Variants in SLC4A5 observed in about 807,000 individuals in gnomAD.
SLC4A5 encodes the protein solute carrier family 4 member 5.
A neutral mutation model predicts 120.4 loss-of-function variants in SLC4A5; 96 were observed. That is an observed-to-expected ratio of 0.80 (90% CI 0.68 to 0.94). The LOEUF (loss-of-function observed/expected upper bound fraction) is 0.94, where lower values mean the gene tolerates loss of function less well. Ranked by LOEUF, SLC4A5 falls within the 40% of genes least tolerant of loss-of-function variation. The pLI is 0.00. For synonymous variants in SLC4A5, 550 were observed against 571.1 expected (o/e 0.96, Z 0.53); for missense variants, 1,259 against 1,459.5 (o/e 0.86, Z 2.24).
chr2:74,254,074 C>A (rs1449620141), intron 14 of SLC4A5, among the ~76,000 whole-genome samples: 1 of 152,216 alleles, frequency 6.6e-6, no homozygotes, highest in African/African-American at 2.4e-5. Flanking sequence ...CAAGCACCGC[C>A]AGTGAGTATT....
At chr2:74,288,706 C>T (rs1417268394) in intron 7 of SLC4A5, among the ~76,000 whole-genome samples, 2 of 152,120 alleles carry the variant, frequency 1.3e-5, no homozygotes, top group Admixed American at 6.5e-5. Context: ...ATGAGGTCAC[C>T]CTTGTGTCCA....
intron 5 of SLC4A5, among the ~76,000 whole-genome samples, chr2:74,324,965 T>C (rs1345835496): frequency 6.6e-6 from 1 of 152,158 alleles, no homozygotes; most frequent in African/African-American, 2.4e-5. Context: ...GAGGGAAGCA[T>C]TCAAGAAAAG....
At chr2:74,253,896 G>T (rs949540658) in intron 14 of SLC4A5, among the ~76,000 whole-genome samples, 40 of 152,200 alleles carry the variant, frequency 2.6e-4, no homozygotes, top group African/African-American at 9.2e-4. Flanking sequence ...TTCAATGATT[G>T]AGAGTTAGTG....
At chr2:74,308,093 G>A (rs1028033017) in intron 6 of SLC4A5, 5 of 450,704 alleles carry the variant, frequency 1.1e-5, no homozygotes, top group Admixed American at 2.6e-5. Flanking sequence ...ATATTCCACC[G>A]ATCAATGTAC....
chr2:74,267,647 T>G (rs546386868), intron 8 of SLC4A5, among the ~76,000 whole-genome samples: 67 of 152,182 alleles, frequency 4.4e-4, no homozygotes, highest in Non-Finnish European at 8.8e-4. Context: ...AGGATTGTTG[T>G]TGGGGCGGGA....
chr2:74,300,576 G>A (rs1672449749), intron 7 of SLC4A5, among the ~76,000 whole-genome samples: 1 of 152,158 alleles, frequency 6.6e-6, no homozygotes. Context: ...ACTCATGACA[G>A]GTGTCACCTG....
At chr2:74,252,342 C>T in exon 16 of SLC4A5, 1 of 1,613,794 alleles carries the variant, frequency 6.2e-7, no homozygotes, top group Non-Finnish European at 8.5e-7. Context: ...CCTCCTCCCA[C>T]AGAGCCATTC....
intron 19 of SLC4A5, among the ~76,000 whole-genome samples, chr2:74,246,795 T>C (rs1474962789): frequency 6.6e-6 from 1 of 152,198 alleles, no homozygotes; most frequent in Non-Finnish European, 1.5e-5. Flanking sequence ...AAGCATGCCT[T>C]ACTCCTTCCT....
At chr2:74,257,762 G>A (rs1435125674) in intron 12 of SLC4A5, among the ~76,000 whole-genome samples, 2 of 151,984 alleles carry the variant, frequency 1.3e-5, no homozygotes, top group East Asian at 1.9e-4. Context: ...ATTTTTGATC[G>A]AGATAGGGTT....
intron 8 of SLC4A5, among the ~76,000 whole-genome samples, chr2:74,284,096 T>A (rs1671899946): frequency 6.6e-6 from 1 of 151,980 alleles, no homozygotes; most frequent in Non-Finnish European, 1.5e-5. Context: ...AATCTGCCTG[T>A]CTTGGCCTCT....
rs77387762 is a variant in SLC4A5, at chr2:74,334,384, C to T, written c.-220-207G>A. On this transcript the variant is annotated intron_variant, in intron 3 of 30. Coordinates refer to ENST00000394019, the Ensembl canonical transcript of SLC4A5. Reference sequence around the variant, plus strand: ...GTTCCTCTAACACCCCAGGCTCATTCCCACCTCAGGACCTTTGCACTTACT... The same window carrying T: ...GTTCCTCTAACACCCCAGGCTCATTTCCACCTCAGGACCTTTGCACTTACT... Among the ~76,000 whole-genome samples, 421 of 152,286 alleles carry T rather than the reference C, an allele frequency of 2.8e-3. 3 individuals carry two copies. The East Asian group carries it at 0.032, about 11-fold the overall frequency.
chr2:74,233,467 T>C (rs745685691), exon 23 of SLC4A5: 3 of 1,614,220 alleles, frequency 1.9e-6, no homozygotes, highest in Middle Eastern at 1.6e-4. Context: ...AAGATCAGGA[T>C]GGTCACCAGC....
intron 6 of SLC4A5, chr2:74,307,348 G>A (rs1326887351): frequency 5.1e-6 from 3 of 590,156 alleles, no homozygotes; most frequent in Non-Finnish European, 9.6e-6. Flanking sequence ...TGGGCTTGTA[G>A]GTCTTTTACT....
At chr2:74,323,444 G>A (rs1257004805) in intron 5 of SLC4A5, among the ~76,000 whole-genome samples, 2 of 151,988 alleles carry the variant, frequency 1.3e-5, no homozygotes, top group African/African-American at 2.4e-5. Flanking sequence ...AATCAAGAAG[G>A]AGAAGACAAT....
At chr2:74,273,065 T>A (rs564614266) in intron 8 of SLC4A5, among the ~76,000 whole-genome samples, 16 of 152,346 alleles carry the variant, frequency 1.1e-4, no homozygotes, top group African/African-American at 3.8e-4. Context: ...AAACCCAGGC[T>A]GAATCTCAGA....
At chr2:74,299,266 G>A (rs531847160) in intron 7 of SLC4A5, among the ~76,000 whole-genome samples, 22 of 152,300 alleles carry the variant, frequency 1.4e-4, no homozygotes, top group African/African-American at 5.3e-4. Flanking sequence ...CAGGAGAATT[G>A]CTTGAACCCG....
At chr2:74,220,819 G>A (rs1447335263) in intron 30 of SLC4A5, among the ~76,000 whole-genome samples, 3 of 135,978 alleles carry the variant, frequency 2.2e-5, no homozygotes, top group Admixed American at 7.6e-5. Context: ...CCTGGCTTCT[G>A]TTTTCTGTCA....
At chr2:74,338,394 C>T (rs563881555) in intron 3 of SLC4A5, among the ~76,000 whole-genome samples, 1 of 152,102 alleles carries the variant, frequency 6.6e-6, no homozygotes, top group African/African-American at 2.4e-5. Flanking sequence ...CCTTTCAGAT[C>T]GGCAGATATC....
chr2:74,244,514 CCT>C (rs965220362), intron 19 of SLC4A5, among the ~76,000 whole-genome samples: 11 of 146,920 alleles, frequency 7.5e-5, no homozygotes, highest in African/African-American at 2.0e-4. Flanking sequence ...TTTTCTTTCC[CCT>C]TTCTTTCTCT....
Sources: gnomAD v4.1 joint callset for allele counts (sites outside exome capture counted in the v4.1 genomes callset) on GRCh38, gnomAD v4.1.1 for gene constraint, MANE v1.5 for transcripts, NCBI Gene and HGNC (gene_info 2026-07-23, HGNC 2026-07-21) for gene names.